The following ATP2B4 variants were observed in gnomAD, a reference collection of about 807,000 sequenced individuals.
ATP2B4 encodes the protein plasma membrane calcium-transporting ATPase 4.
Under a neutral mutation model 110.3 loss-of-function variants are expected in ATP2B4, and 39 were observed. The ratio of observed to expected loss-of-function variants is 0.35; its 90% CI spans 0.27 to 0.46. The LOEUF (loss-of-function observed/expected upper bound fraction) is 0.46, where lower values mean the gene tolerates loss of function less well. Among genes scored for constraint, ATP2B4 ranks in the 20% least tolerant of loss-of-function variants. ATP2B4 has a pLI of 1.00. For missense variants in ATP2B4, 1,135 were observed against 1,530.9 expected, an observed-to-expected ratio of 0.74 and a Z score of 4.32; for synonymous variants, 538 against 571.7, an observed-to-expected ratio of 0.94 and a Z score of 0.84.
intron 2 of ATP2B4, among the ~76,000 whole-genome samples, chr1:203,696,142 G>A (rs1665526908): frequency 6.6e-6 from 1 of 152,118 alleles, no homozygotes; most frequent in Admixed American, 6.5e-5. Context: ...GGCCAGGCTG[G>A]TTTCAAACTC....
chr1:203,710,872 C>T lies in ATP2B4; in HGVS notation c.1800-5C>T. On this transcript the variant is annotated splice_region_variant and splice_polypyrimidine_tract_variant and intron_variant, in intron 11 of 20. Coordinates refer to ENST00000357681, the MANE Select transcript of ATP2B4 (RefSeq NM_001684.5). Reference sequence around the variant, plus strand: ...ACACCGCGTTCTTACTGTGCGCCTCCCCAGGTGTAATCGAATCCTGGACCG... The same window carrying T: ...ACACCGCGTTCTTACTGTGCGCCTCTCCAGGTGTAATCGAATCCTGGACCG... 1 of 1,606,212 alleles carries T rather than the reference C, an allele frequency of 6.2e-7. No homozygotes were observed.
chr1:203,683,670 T>C (rs1382598491), intron 2 of ATP2B4, among the ~76,000 whole-genome samples: 1 of 138,460 alleles, frequency 7.2e-6, no homozygotes, highest in African/African-American at 2.6e-5. Flanking sequence ...TTGTTTCTTT[T>C]TTTTTTTTTT....
At chr1:203,701,016 G>A in intron 6 of ATP2B4, 93 bp downstream of exon 6, 1 of 1,445,402 alleles carries the variant, frequency 6.9e-7, no homozygotes, top group Non-Finnish European at 9.2e-7. Context: ...AGCATGGTTG[G>A]AAGAATCTGC....
Position 203,683,397 on chromosome 1 carries a change from A to T in ATP2B4, c.192A>T (p.Glu64Asp). Residue 64 changes from glutamate (E) to aspartate (D), a missense_variant and splice_region_variant, in exon 2 of 21, where the codon GAA (glutamate) becomes GAT (aspartate). Glu to Asp is a conservative substitution (Grantham distance 45). Around this residue, in one of 9 missense-constraint regions of ATP2B4, gnomAD observed 122 missense variants for 125.2 expected, o/e 0.97. Transcript: ENST00000357681. The part of the protein sequence containing the change: ...LCSRLKTSPV[E>D]GLSGNPADLE... ...GTAGACTGAAAACCTCCCCTGTGGA[A>T]GGTAAAGGCCATATCAGGGGTGGGG... 1 of 1,609,344 alleles carries T rather than the reference A, an allele frequency of 6.2e-7. No individual in the cohort carries two copies. The highest frequency in any genetic ancestry group is 8.5e-7 in the Non-Finnish European group (1 of 1,177,056).
intron 1 of ATP2B4, among the ~76,000 whole-genome samples, chr1:203,651,844 G>A (rs985774952): frequency 2.0e-5 from 3 of 151,922 alleles, no homozygotes; most frequent in African/African-American, 7.3e-5. Flanking sequence ...GATCACCTGA[G>A]GTCAGGAGTT....
chr1:203,669,562 G>A (rs1015564496), intron 1 of ATP2B4, among the ~76,000 whole-genome samples: 5 of 152,008 alleles, frequency 3.3e-5, no homozygotes, highest in African/African-American at 1.2e-4. Context: ...TCAGCCTCCC[G>A]TGTACCTGGG....
Position 203,723,991 on chromosome 1 carries a change from G to A in ATP2B4, c.3132+3G>A, listed in dbSNP as rs374440956. The A allele has an allele frequency of 3.7e-6, 6 of 1,606,678 alleles. No individual in the cohort carries two copies. The highest frequency in any genetic ancestry group is 5.1e-6 in the Non-Finnish European group (6 of 1,176,058). On this transcript the variant is annotated splice_donor_region_variant and intron_variant, in intron 19 of 20. Transcript: ENST00000357681. ...TTGGAGAACTTCTGTGGGGCCAGGT[G>A]AGTACCGGCACACCCTCCTGGTGCA... is the stretch of plus-strand genomic sequence containing the variant.
intron 2 of ATP2B4, among the ~76,000 whole-genome samples, chr1:203,683,863 T>C (rs1665096158): frequency 6.6e-6 from 1 of 151,506 alleles, no homozygotes; most frequent in South Asian, 2.1e-4. Context: ...TTTTGTAGAG[T>C]TGAGGTCTCA....
At chr1:203,673,425 C>T (rs1430035735) in intron 1 of ATP2B4, among the ~76,000 whole-genome samples, 1 of 152,162 alleles carries the variant, frequency 6.6e-6, no homozygotes, top group African/African-American at 2.4e-5. Flanking sequence ...AATATGTGAA[C>T]AAGGAAGAAT....
Position 203,739,714 on chromosome 1 carries a change from T to C in ATP2B4, c.3478T>C (p.Ser1160Pro), listed in dbSNP as rs1666957596. The C allele has an allele frequency of 6.2e-7, 1 of 1,614,008 alleles. No homozygotes were observed. Among genetic ancestry groups the C allele is most frequent in the Non-Finnish European group, 8.5e-7 (1 of 1,180,036 alleles). ...AGAGGAGGAAAATCCTGACAAGGCTTCTAAGTTTGGGACTAGGGTGCTCCT... is the reference window on the plus strand; with the variant it reads ...AGAGGAGGAAAATCCTGACAAGGCTCCTAAGTTTGGGACTAGGGTGCTCCT... ...EEEEENPDKA[S>P]KFGTRVLLLD... Residue 1160 changes from serine to proline, a missense_variant, in exon 21 of 21, where the codon TCT (serine) becomes CCT (proline). This residue lies in a region of ATP2B4 where 92 missense variants were observed against 82.5 expected (regional missense o/e 1.11). Transcript: ENST00000357681.
intron 1 of ATP2B4, among the ~76,000 whole-genome samples, chr1:203,669,943 A>G (rs1175262301): frequency 6.6e-6 from 1 of 152,138 alleles, no homozygotes; most frequent in Non-Finnish European, 1.5e-5. Context: ...AGAGACTTCC[A>G]TCAACAATGA....
At chr1:203,641,385 A>G (rs1663624073) in intron 1 of ATP2B4, among the ~76,000 whole-genome samples, 1 of 152,080 alleles carries the variant, frequency 6.6e-6, no homozygotes, top group African/African-American at 2.4e-5. Context: ...CTTTTTCATC[A>G]GGTCTAGGGG....
intron 15 of ATP2B4, among the ~76,000 whole-genome samples, chr1:203,718,511 A>G (rs1666225192): frequency 6.6e-6 from 1 of 151,536 alleles, no homozygotes. Context: ...TTTTGGCCAG[A>G]GTGGTCTCAA....
chr1:203,723,420 A>ATCTCTCCCTCTC (rs1666399168), intron 18 of ATP2B4, among the ~76,000 whole-genome samples: 1 of 44,538 alleles, frequency 2.2e-5, no homozygotes, highest in Non-Finnish European at 3.9e-5. Context: ...TGAGACAGAT[A>ATCTCTCCCTCTC]TCTCTCTCTC....
At chr1:203,689,803 C>T (rs1009446362) in intron 2 of ATP2B4, among the ~76,000 whole-genome samples, 5 of 152,142 alleles carry the variant, frequency 3.3e-5, no homozygotes, top group Admixed American at 6.5e-5. Flanking sequence ...CATAGGGCTT[C>T]GATGAGGAAG....
chr1:203,632,151 A>G (rs1663287770), intron 1 of ATP2B4, among the ~76,000 whole-genome samples: 1 of 152,044 alleles, frequency 6.6e-6, no homozygotes, highest in Admixed American at 6.6e-5. Flanking sequence ...CCATTCTTTA[A>G]AAAATGGTTA....
At chr1:203,719,896 C>T (rs972236306) in intron 15 of ATP2B4, among the ~76,000 whole-genome samples, 23 of 151,740 alleles carry the variant, frequency 1.5e-4, no homozygotes, top group Non-Finnish European at 2.9e-4. Context: ...TATAGAGAGA[C>T]CCCCATGTCT....
chr1:203,733,116 A>G, intron 20 of ATP2B4: 2 of 1,068,642 alleles, frequency 1.9e-6, no homozygotes, highest in South Asian at 3.4e-5. Flanking sequence ...TTTCCCATCT[A>G]CTTCCATTCC....
chr1:203,720,439 C>A, intron 15 of ATP2B4, 110 bp from the exon 16 acceptor site: 1 of 1,039,372 alleles, frequency 9.6e-7, no homozygotes, highest in Non-Finnish European at 1.4e-6. Flanking sequence ...TTTTGTGTGA[C>A]TAGTGTGCCC....
Sources: gnomAD v4.1 joint callset for allele counts (sites outside exome capture counted in the v4.1 genomes callset) on GRCh38, gnomAD v4.1.1 for gene constraint, gnomAD v4.1.1 regional missense constraint, MANE v1.5 for transcripts, NCBI Gene and HGNC (gene_info 2026-07-23, HGNC 2026-07-21) for gene names.